Variants in LRRN1 observed in about 807,000 individuals in gnomAD.
LRRN1 encodes leucine-rich repeat neuronal protein 1.
A neutral mutation model predicts 45.8 loss-of-function variants in LRRN1; 14 were observed. The ratio of observed to expected loss-of-function variants is 0.31; its 90% CI spans 0.20 to 0.48. The LOEUF (loss-of-function observed/expected upper bound fraction) is 0.48. Among genes scored for constraint, LRRN1 ranks in the 20% least tolerant of loss-of-function variants. The probability of loss-of-function intolerance (pLI) is 0.99; values close to 1 mark genes in which losing one functional copy is unlikely to be tolerated. For missense variants in LRRN1, 789 were observed against 874.2 expected, an observed-to-expected ratio of 0.90 and a Z score of 1.23; for synonymous variants, 359 against 330.1, an observed-to-expected ratio of 1.09 and a Z score of -0.95.
At chr3:3,826,543 T>C (rs544327740) in intron 1 of LRRN1, among the ~76,000 whole-genome samples, 4 of 152,210 alleles carry the variant, frequency 2.6e-5, no homozygotes, top group South Asian at 4.1e-4. Context: ...CAGTTCCTTA[T>C]GCAAAAGAGC....
At position 3,847,621 on chromosome 3, in the gene LRRN1, C is replaced by G. The variant is rs988961151; in HGVS notation, c.*829C>G. On this transcript the variant is annotated 3_prime_UTR_variant, in exon 2 of 2. Coordinates refer to ENST00000319331, the MANE Select transcript of LRRN1 (RefSeq NM_020873.7). ...TTAGTTTTGTTCTGATTTTTTAGAA[C>G]ACTTGCAATAATGTATCATTTATAG... is the stretch of plus-strand genomic sequence containing the variant. 1.8e-5 allele frequency: 3 copies of G among 167,100 alleles called. No homozygotes were observed. Among genetic ancestry groups the G allele is most frequent in the Middle Eastern group, 3.4e-3 (1 of 294 alleles). 10.4% of individuals were successfully genotyped at this position (167,100 alleles called of 1,614,324 possible).
chr3:3,819,761 ACAT>A (rs2106457645), intron 1 of LRRN1, among the ~76,000 whole-genome samples: 1 of 152,226 alleles, frequency 6.6e-6, no homozygotes, highest in Admixed American at 6.5e-5. Context: ...TGGGACTTCA[ACAT>A]CTCTTTTTTT....
intron 1 of LRRN1, among the ~76,000 whole-genome samples, chr3:3,812,438 T>C (rs1042389095): frequency 2.6e-5 from 4 of 151,988 alleles, no homozygotes; most frequent in African/African-American, 7.3e-5. Context: ...AGCCCAGAGG[T>C]GAGAAGGACT....
At position 3,845,538 on chromosome 3, in the gene LRRN1, G is replaced by A. The variant is rs192472391; in HGVS notation, c.897G>A (p.Glu299=). ...AACTGGGAATCAACAATATGGGCGA[G>A]CTCGTTTCTGTCGACCGCTATGCCC... is the stretch of plus-strand genomic sequence containing the variant. The part of the protein sequence containing the change: ...LKELGINNMG[E]LVSVDRYALD... The change falls in exon 2 of 2, where the codon GAG becomes GAA. Residue 299 remains glutamate, a synonymous_variant. Transcript: ENST00000319331. The surrounding 1 kb of genome is among the most constrained non-coding windows in gnomAD (Gnocchi z 6.5). 104 of 1,614,072 alleles carry A rather than the reference G, an allele frequency of 6.4e-5. No homozygotes were observed. In the African/African-American group the frequency reaches 1.3e-3, roughly 21 times the overall value.
chr3:3,826,805 A>C (rs1362833949), intron 1 of LRRN1, among the ~76,000 whole-genome samples: 2 of 152,134 alleles, frequency 1.3e-5, no homozygotes, highest in African/African-American at 4.8e-5. Flanking sequence ...GTTTTTAAAA[A>C]GAGTCTGTGC....
intron 1 of LRRN1, among the ~76,000 whole-genome samples, 189 bp downstream of exon 1, chr3:3,800,108 A>G (rs1413979632): frequency 5.5e-5 from 8 of 144,824 alleles, no homozygotes; most frequent in Non-Finnish European, 1.2e-4. Context: ...AAACGAGAAT[A>G]TAGTGCCCCG....
chr3:3,840,168 G>A (rs1433679829), intron 1 of LRRN1, among the ~76,000 whole-genome samples: 1 of 151,994 alleles, frequency 6.6e-6, no homozygotes, highest in Admixed American at 6.5e-5. Flanking sequence ...TTCATTTGTT[G>A]AGTGTTTTTA....
Position 3,845,361 on chromosome 3 carries a change from C to T in LRRN1, c.720C>T (p.Ser240=), listed in dbSNP as rs371002039. ...GAAATGCTTTGGTGGGTCTGGATAGCCTTGAGAGCCTGTCTTTTTATGATA... is the reference window on the plus strand; with the variant it reads ...GAAATGCTTTGGTGGGTCTGGATAGTCTTGAGAGCCTGTCTTTTTATGATA... ...IPGNALVGLD[S]LESLSFYDNK... Residue 240 remains serine, a synonymous_variant, in exon 2 of 2, where the codon AGC becomes AGT. Coordinates refer to ENST00000319331, the MANE Select transcript of LRRN1 (RefSeq NM_020873.7). This position sits in a 1 kb window ranked among gnomAD's most constrained non-coding sequence, Gnocchi z 6.5. The T allele has an allele frequency of 5.6e-6, 9 of 1,613,956 alleles. No individual in the cohort carries two copies. The highest frequency in any genetic ancestry group is 6.8e-6 in the Non-Finnish European group (8 of 1,180,012).
intron 1 of LRRN1, among the ~76,000 whole-genome samples, chr3:3,814,014 G>A (rs939641884): frequency 3.3e-5 from 5 of 151,744 alleles, no homozygotes; most frequent in African/African-American, 1.2e-4. Context: ...TCCCTCCCCT[G>A]TCTGCACATC....
intron 1 of LRRN1, among the ~76,000 whole-genome samples, chr3:3,824,048 T>A (rs1043246938): frequency 7.9e-5 from 12 of 152,164 alleles, no homozygotes; most frequent in Non-Finnish European, 1.8e-4. Flanking sequence ...CCCTGTACCG[T>A]GCTGCTTCTC....
chr3:3,822,947 T>G (rs898784105), intron 1 of LRRN1: 2 of 152,160 alleles, frequency 1.3e-5, no homozygotes, highest in African/African-American at 4.8e-5. Context: ...GCTTTATTCT[T>G]ACCTCAGATT....
At chr3:3,799,962 G>T (rs550263197) in intron 1 of LRRN1, 43 bp downstream of exon 1, 1 of 154,324 alleles carries the variant, frequency 6.5e-6, no homozygotes, top group Admixed American at 6.5e-5. Flanking sequence ...GGTGTGGGAG[G>T]CAGCGAGGGG....
intron 1 of LRRN1, among the ~76,000 whole-genome samples, chr3:3,829,830 A>T (rs1286205181): frequency 3.9e-5 from 6 of 152,152 alleles, no homozygotes; most frequent in African/African-American, 1.4e-4. Flanking sequence ...GGATAGGCAA[A>T]CTCATATCTG....
At chr3:3,812,478 C>T (rs545857722) in intron 1 of LRRN1, among the ~76,000 whole-genome samples, 1 of 152,266 alleles carries the variant, frequency 6.6e-6, no homozygotes, top group East Asian at 1.9e-4. Context: ...GGGAGAAGAC[C>T]AGTGTGGCTT....
rs1397832409 is a variant in LRRN1 at position 3,844,770 on chromosome 3, G to T, written c.129G>T (p.Trp43Cys). 1 of 1,614,048 alleles carries T rather than the reference G, an allele frequency of 6.2e-7. No individual in the cohort carries two copies. The highest frequency in any genetic ancestry group is 8.5e-7 in the Non-Finnish European group (1 of 1,179,994). The change falls in exon 2 of 2, where the codon TGG becomes TGT. Residue 43 changes from tryptophan (W) to cysteine (C), a missense_variant. By Grantham distance (215) the Trp-to-Cys change is radical. Coordinates refer to ENST00000319331, the MANE Select transcript of LRRN1 (RefSeq NM_020873.7). ...TTTGCGTATGTGAAATTCGTCCCTGGTTTACCCCACAGTCAACTTACAGAG... is the reference window on the plus strand; with the variant it reads ...TTTGCGTATGTGAAATTCGTCCCTGTTTTACCCCACAGTCAACTTACAGAG... ...PQLCVCEIRPWFTPQSTYREA... is the reference protein window; with the variant it reads ...PQLCVCEIRPCFTPQSTYREA...
chr3:3,835,827 T>C (rs1480853114), intron 1 of LRRN1, among the ~76,000 whole-genome samples: 1 of 152,080 alleles, frequency 6.6e-6, no homozygotes, highest in Non-Finnish European at 1.5e-5. Context: ...CTTCAGAATT[T>C]TATACTCAGA....
At chr3:3,839,768 T>C (rs1231400153) in intron 1 of LRRN1, among the ~76,000 whole-genome samples, 3 of 152,164 alleles carry the variant, frequency 2.0e-5, no homozygotes, top group Non-Finnish European at 2.9e-5. Flanking sequence ...GTTTCCTTAA[T>C]TTCCTTTTCA....
At chr3:3,804,394 T>C (rs1402337042) in intron 1 of LRRN1, among the ~76,000 whole-genome samples, 2 of 152,228 alleles carry the variant, frequency 1.3e-5, no homozygotes, top group Non-Finnish European at 2.9e-5. Context: ...GGAACCATTG[T>C]ACCTAATGAA....
chr3:3,805,353 A>T (rs182742381), intron 1 of LRRN1, among the ~76,000 whole-genome samples: 20 of 152,348 alleles, frequency 1.3e-4, no homozygotes, highest in Non-Finnish European at 1.5e-5. Context: ...CTGCATTGTT[A>T]TTTCACAATA....
Sources: allele counts gnomAD v4.1 joint callset (sites outside exome capture counted in the v4.1 genomes callset), GRCh38; gene constraint gnomAD v4.1.1; non-coding constraint Gnocchi (gnomAD v3.1); transcripts MANE v1.5; gene names NCBI Gene and HGNC (gene_info 2026-07-23, HGNC 2026-07-21).